CSMD1: variants seen among roughly 807,000 people sequenced by gnomAD.
The protein encoded by CSMD1 is CUB and sushi domain-containing protein 1.
CSMD1 carries 213 observed loss-of-function variants against 417.5 expected under a neutral mutation model. The observed-to-expected ratio is 0.51, with a 90% CI of 0.46 to 0.57. The LOEUF (loss-of-function observed/expected upper bound fraction) is 0.57. Among genes scored for constraint, CSMD1 ranks in the 20% least tolerant of loss-of-function variants. The pLI is 0.00. For synonymous variants in CSMD1, 2,862 were observed against 1,736.8 expected (o/e 1.65, Z -16.11); for missense variants, 6,923 against 4,529.7 (o/e 1.53, Z -15.17).
At chr8:3,244,972 T>G (rs1001697442) in intron 26 of CSMD1, among the ~76,000 whole-genome samples, 5 of 152,114 alleles carry the variant, frequency 3.3e-5, no homozygotes, top group African/African-American at 1.2e-4. Context: ...TTTGGCTATT[T>G]CCAAGAAGAA....
chr8:3,372,392 G>A (rs1810014976), intron 18 of CSMD1, among the ~76,000 whole-genome samples: 1 of 152,066 alleles, frequency 6.6e-6, no homozygotes, highest in Non-Finnish European at 1.5e-5. Context: ...CCTAGAAAAC[G>A]ACACGATCTC....
chr8:3,450,215 C>T (rs73660015), intron 12 of CSMD1, among the ~76,000 whole-genome samples: 3,299 of 152,334 alleles, frequency 0.022, 133 homozygotes, highest in African/African-American at 0.074. Flanking sequence ...TTAACATCTC[C>T]GTTGACCAAC....
chr8:4,700,768 A>C (rs559348367), intron 1 of CSMD1, among the ~76,000 whole-genome samples: 3 of 152,234 alleles, frequency 2.0e-5, no homozygotes, highest in African/African-American at 7.2e-5. Flanking sequence ...CTGCAATAAA[A>C]ATGGTTAACA....
chr8:4,354,821 G>A (rs1008472256), intron 3 of CSMD1, among the ~76,000 whole-genome samples: 2 of 149,378 alleles, frequency 1.3e-5, no homozygotes, highest in Non-Finnish European at 3.0e-5. Flanking sequence ...TATTATACCT[G>A]GTTTCTGAGC....
chr8:4,733,192 G>T (rs1810015585), intron 1 of CSMD1, among the ~76,000 whole-genome samples: 1 of 152,120 alleles, frequency 6.6e-6, no homozygotes, highest in Non-Finnish European at 1.5e-5. Flanking sequence ...GCGAAACCAT[G>T]TTGAACATTA....
At chr8:4,427,314 A>G (rs1346297358) in intron 2 of CSMD1, among the ~76,000 whole-genome samples, 1 of 152,172 alleles carries the variant, frequency 6.6e-6, no homozygotes, top group Non-Finnish European at 1.5e-5. Flanking sequence ...TTGACAAAAT[A>G]CTGGATGCAG....
chr8:3,567,053 A>G (rs1017000370), intron 10 of CSMD1, among the ~76,000 whole-genome samples: 3 of 152,250 alleles, frequency 2.0e-5, no homozygotes, highest in African/African-American at 7.2e-5. Flanking sequence ...AGACTGGATA[A>G]AGAAAATTGG....
At chr8:3,193,528 T>C (rs1796537568) in intron 33 of CSMD1, among the ~76,000 whole-genome samples, 1 of 152,128 alleles carries the variant, frequency 6.6e-6, no homozygotes, top group Non-Finnish European at 1.5e-5. Context: ...CCTCTGGGTC[T>C]GGCCCTTCAC....
chr8:4,541,910 C>G (rs1009147271), intron 2 of CSMD1, among the ~76,000 whole-genome samples: 4 of 152,126 alleles, frequency 2.6e-5, no homozygotes, highest in African/African-American at 9.7e-5. Flanking sequence ...TAGCTGCACT[C>G]TGTCCATTTC....
At chr8:4,735,637 A>G (rs1810182510) in intron 1 of CSMD1, among the ~76,000 whole-genome samples, 1 of 152,178 alleles carries the variant, frequency 6.6e-6, no homozygotes, top group African/African-American at 2.4e-5. Flanking sequence ...TGAGAAGACT[A>G]ATAGAAGCTA....
chr8:3,675,403 G>A (rs1361541813), intron 7 of CSMD1, among the ~76,000 whole-genome samples: 2 of 152,138 alleles, frequency 1.3e-5, no homozygotes, highest in Admixed American at 1.3e-4. Context: ...ATCTTGTTTT[G>A]TTTGCTAATG....
chr8:3,813,719 C>T (rs1013028576), intron 5 of CSMD1, among the ~76,000 whole-genome samples: 1 of 152,122 alleles, frequency 6.6e-6, no homozygotes, highest in Non-Finnish European at 1.5e-5. Context: ...CCTCCTATAC[C>T]AAATGGTCCA....
chr8:4,788,731 A>G (rs576544989), intron 1 of CSMD1: 33 of 431,252 alleles, frequency 7.7e-5, no homozygotes, highest in Non-Finnish European at 1.2e-4. Flanking sequence ...CTAGATCCAT[A>G]CTAATAAACA....
intron 68 of CSMD1, among the ~76,000 whole-genome samples, chr8:2,945,109 G>A (rs907541321): frequency 1.8e-4 from 27 of 152,094 alleles, no homozygotes; most frequent in Non-Finnish European, 2.8e-4. Context: ...AATTAAAATG[G>A]CATAAAGGGA....
chr8:4,370,317 C>G (rs552462226), intron 3 of CSMD1, among the ~76,000 whole-genome samples: 90 of 151,574 alleles, frequency 5.9e-4, no homozygotes, highest in African/African-American at 2.1e-3. Flanking sequence ...CTGCTGTTAG[C>G]CTGATGGGGG....
chr8:3,191,695 T>C (rs982013199), intron 33 of CSMD1, among the ~76,000 whole-genome samples: 8 of 152,176 alleles, frequency 5.3e-5, no homozygotes, highest in African/African-American at 1.9e-4. Context: ...ACAGGAGATA[T>C]TCCTGTTTAT....
At chr8:4,796,348 T>C (rs1797981969) in intron 1 of CSMD1, among the ~76,000 whole-genome samples, 3 of 152,064 alleles carry the variant, frequency 2.0e-5, no homozygotes, top group Admixed American at 2.0e-4. Context: ...TCACATATCC[T>C]CAGCCAGACC....
At chr8:3,283,982 G>A (rs1802943499) in intron 26 of CSMD1, among the ~76,000 whole-genome samples, 162 bp downstream of exon 26, 1 of 152,252 alleles carries the variant, frequency 6.6e-6, no homozygotes, top group Admixed American at 6.5e-5. Flanking sequence ...AGCAATGGGG[G>A]AAGAGAACTC....
intron 7 of CSMD1, among the ~76,000 whole-genome samples, chr8:3,677,799 A>C (rs771143593): frequency 1.5e-4 from 23 of 152,170 alleles, no homozygotes; most frequent in African/African-American, 1.4e-4. Context: ...AATTTTTTAA[A>C]ACCAGTAGAT....
Sources: gnomAD v4.1 joint callset for allele counts (sites outside exome capture counted in the v4.1 genomes callset) on GRCh38, gnomAD v4.1.1 for gene constraint, MANE v1.5 for transcripts, NCBI Gene and HGNC (gene_info 2026-07-23, HGNC 2026-07-21) for gene names.